ADPRHL1: variants seen among roughly 807,000 people sequenced by gnomAD.
The protein encoded by ADPRHL1 is inactive ADP-ribosyltransferase ARH2.
ADPRHL1 carries 43 observed loss-of-function variants against 44.1 expected under a neutral mutation model. That is an observed-to-expected ratio of 0.98 (90% confidence interval 0.76 to 1.26). ADPRHL1 has a LOEUF of 1.26. ADPRHL1 is among the 50% of genes most tolerant of loss of function. ADPRHL1 has a pLI of 0.00. For synonymous variants in ADPRHL1, 878 were observed against 1,017.4 expected (o/e 0.86, Z 2.61); for missense variants, 2,022 against 2,496.9 (o/e 0.81, Z 4.05).
intron 7 of ADPRHL1, among the ~76,000 whole-genome samples, chr13:113,411,951 G>T (rs1017851840): frequency 1.3e-5 from 2 of 152,150 alleles, no homozygotes; most frequent in Admixed American, 1.3e-4. Context: ...TGCGCCCACC[G>T]CCCACTATTG....
Position 113,400,219 on chromosome 13 carries a change from C to T in ADPRHL1, c.*3159G>A, listed in dbSNP as rs1467984572. The T allele has an allele frequency of 6.8e-6, 1 of 146,978 alleles. No homozygotes were observed. The highest frequency in any genetic ancestry group is 6.8e-5 in the Admixed American group (1 of 14,704). The allele number at this position is 146,978 out of a possible 1,614,324, so 9.1% of individuals were successfully genotyped here. A position where few individuals can be genotyped will look rare whatever the true frequency, so the allele number is the denominator to read the frequency against. ...GGAGTGCAGTGGCGCAATCTCGGCTCACTGCAAGCTCCACCTCCCGGGTTC... is the reference window on the plus strand; with the variant it reads ...GGAGTGCAGTGGCGCAATCTCGGCTTACTGCAAGCTCCACCTCCCGGGTTC... On this transcript the variant is annotated 3_prime_UTR_variant, in exon 8 of 8. Transcript: ENST00000612156.
At chr13:113,423,342 C>T (rs899258796) in intron 6 of ADPRHL1, among the ~76,000 whole-genome samples, 5 of 152,090 alleles carry the variant, frequency 3.3e-5, no homozygotes, top group African/African-American at 1.2e-4. Context: ...CTGTGTGAAG[C>T]GGTGTTTCAG....
At chr13:113,432,801 A>C (rs1380082796) in intron 3 of ADPRHL1, among the ~76,000 whole-genome samples, 1 of 152,208 alleles carries the variant, frequency 6.6e-6, no homozygotes, top group Non-Finnish European at 1.5e-5. Flanking sequence ...ATCTTGAACG[A>C]GGCTAGCGTG....
rs2044191643 is a variant in ADPRHL1 at position 113,453,463 on chromosome 13, A to AC, written c.-27dup. On this transcript the variant is annotated 5_prime_UTR_variant, in exon 1 of 8. Transcript: ENST00000612156. The surrounding 1 kb of genome is among the most constrained non-coding windows in gnomAD (Gnocchi z 5.4). ...CCCAGGAGGCAGCTCCTCTTCCCCA[A>AC]CAGCTGCGGAGCGTCCTGGCCTTTG... 2.5e-6 allele frequency: 4 copies of AC among 1,611,192 alleles called. No individual in the cohort carries two copies. The highest frequency in any genetic ancestry group is 3.4e-6 in the Non-Finnish European group (4 of 1,178,474).
rs1486765507 is a variant in ADPRHL1, at chr13:113,408,182, AC to A, written c.1099del (p.Val367TrpfsTer6). 6 of 1,231,924 alleles carry A rather than the reference AC, an allele frequency of 4.9e-6. No individual in the cohort carries two copies. Among genetic ancestry groups the A allele is most frequent in the Non-Finnish European group, 6.1e-6 (6 of 987,988 alleles). 76.3% of individuals were successfully genotyped at this position (1,231,924 alleles called of 1,614,324 possible). ...SSKTCSDVMS[V>X]DAQTLKKKMG... ...CTTCTTCTTCAGGGTTTGGGCGTCC[AC>A]AGACATGACGTCACTGCAGGTCTTG... On this transcript the variant is annotated frameshift_variant, in exon 8 of 8. Coordinates refer to ENST00000612156, the MANE Select transcript of ADPRHL1 (RefSeq NM_001394807.1). LOFTEE classifies it low-confidence loss of function (END_TRUNC).
rs538853624 is a variant in ADPRHL1 at position 113,404,908 on chromosome 13, C to T, written c.4374G>A (p.Ala1458=). Residue 1458 remains alanine, a synonymous_variant, in exon 8 of 8, where the codon GCG becomes GCA. Coordinates refer to ENST00000612156, the MANE Select transcript of ADPRHL1 (RefSeq NM_001394807.1). Reference sequence around the variant, plus strand: ...TGGCAGCCCTGGTGCCCTCTCCCCACGCCGTGCTCCGCCCCCGCTCCTCCC... The same window carrying T: ...TGGCAGCCCTGGTGCCCTCTCCCCATGCCGTGCTCCGCCCCCGCTCCTCCC... The part of the protein sequence containing the change: ...GPWEERGRST[A]WGEGTRAARN... 1.0e-4 allele frequency: 127 copies of T among 1,243,852 alleles called. No homozygotes were observed. The highest frequency in any genetic ancestry group is 1.1e-4 in the Non-Finnish European group (112 of 996,004). 77.1% of individuals were successfully genotyped at this position (1,243,852 alleles called of 1,614,324 possible).
Position 113,441,279 on chromosome 13 carries a change from ATTATC to A in ADPRHL1, c.379+3141_379+3145del, listed in dbSNP as rs1198859490. 1.3e-5 allele frequency among the ~76,000 whole-genome samples: 2 copies of A among 152,012 alleles called. No individual in the cohort carries two copies. Among genetic ancestry groups the A allele is most frequent in the African/African-American group, 4.8e-5 (2 of 41,382 alleles). ...ACCATTCGCATTTGGCGTCATTATTATTATCTTGTTTGTTTTCTACCTGTACTGTC... is the reference window on the plus strand; with the variant it reads ...ACCATTCGCATTTGGCGTCATTATTATTGTTTGTTTTCTACCTGTACTGTC... On this transcript the variant is annotated intron_variant, in intron 2 of 7. Coordinates refer to ENST00000612156, the MANE Select transcript of ADPRHL1 (RefSeq NM_001394807.1). This position sits in a 1 kb window ranked among gnomAD's most constrained non-coding sequence, Gnocchi z 6.0.
chr13:113,420,307 A>G (rs2043908849), intron 7 of ADPRHL1, among the ~76,000 whole-genome samples: 1 of 151,996 alleles, frequency 6.6e-6, no homozygotes, highest in Non-Finnish European at 1.5e-5. Context: ...TGTGTGTTTT[A>G]ATCTATAATC....
At chr13:113,425,201 A>T in intron 4 of ADPRHL1, 22 bp from the exon 5 acceptor site, 1 of 1,357,300 alleles carries the variant, frequency 7.4e-7, no homozygotes. Context: ...GAACAAGGGG[A>T]GCTGAACACA....
Position 113,404,882 on chromosome 13 carries a change from C to G in ADPRHL1, c.4400G>C (p.Arg1467Thr), listed in dbSNP as rs571338182. ...CTCCCCTGGAGGCACAGCTGGGTTC[C>G]TGGCAGCCCTGGTGCCCTCTCCCCA... is the stretch of plus-strand genomic sequence containing the variant. The part of the protein sequence containing the change: ...TAWGEGTRAA[R>T]NPAVPPGEPE... Residue 1467 changes from arginine (R) to threonine (T), a missense_variant, in exon 8 of 8, where the codon AGG becomes ACG. Transcript: ENST00000612156. 1 of 1,247,068 alleles carries G rather than the reference C, an allele frequency of 8.0e-7. No homozygotes were observed. Among genetic ancestry groups the G allele is most frequent in the Admixed American group, 4.2e-5 (1 of 23,950 alleles). The allele number at this position is 1,247,068 out of a possible 1,614,324, so 77.3% of individuals were successfully genotyped here. A position where few individuals can be genotyped will look rare whatever the true frequency, so the allele number is the denominator to read the frequency against.
intron 2 of ADPRHL1, among the ~76,000 whole-genome samples, chr13:113,439,730 G>T (rs552067401): frequency 2.0e-5 from 3 of 152,308 alleles, no homozygotes; most frequent in Admixed American, 2.0e-4. Context: ...TTACAGGTGT[G>T]AGCCACCATG....
rs113580697 is a variant in ADPRHL1 at position 113,425,329 on chromosome 13, G to A, written c.647-150C>T. On this transcript the variant is annotated intron_variant, in intron 4 of 7. Transcript: ENST00000612156. ...CCAGCTGCAGGCATGTGGAGAAGCC[G>A]AGCACCTGTCCTGGAGTAAACAACT... 326 of 739,114 alleles carry A rather than the reference G, an allele frequency of 4.4e-4. 1 individual carries two copies. The African/African-American group carries it at 5.3e-3, about 12-fold the overall frequency. The allele number at this position is 739,114 out of a possible 1,614,324, so 45.8% of individuals were successfully genotyped here.
intron 7 of ADPRHL1, among the ~76,000 whole-genome samples, chr13:113,413,492 C>T (rs190872627): frequency 9.2e-5 from 14 of 152,350 alleles, no homozygotes; most frequent in East Asian, 5.8e-4. Context: ...CCAGGACTTT[C>T]GGCGACTCCC....
rs2043782000 is a variant in ADPRHL1 at position 113,403,792 on chromosome 13, A to T, written c.5490T>A (p.Asp1830Glu). The T allele has an allele frequency of 5.7e-6, 7 of 1,233,638 alleles. No homozygotes were observed. Among genetic ancestry groups the T allele is most frequent in the Non-Finnish European group, 7.1e-6 (7 of 989,574 alleles). 76.4% of individuals were successfully genotyped at this position (1,233,638 alleles called of 1,614,324 possible). ...TGGACCCCCCACTCCTGCCAGCAGC[A>T]TCCACTCCCTCAGCTATGCCACTAA... ...QPISGIAEGV[D>E]AAGRSGGSRS... The change falls in exon 8 of 8, where the codon GAT becomes GAA. Residue 1830 changes from aspartate (D) to glutamate (E), a missense_variant. Around this residue, in one of 8 missense-constraint regions of ADPRHL1, gnomAD observed 205 missense variants for 250.1 expected, o/e 0.82. Transcript: ENST00000612156.
chr13:113,449,858 C>T lies in ADPRHL1; in HGVS notation c.214+3366G>A, dbSNP rs187139797. Among the ~76,000 whole-genome samples the T allele has an allele frequency of 2.8e-3, 421 of 152,320 alleles. 3 individuals carry two copies. The highest frequency in any genetic ancestry group is 3.0e-3 in the Non-Finnish European group (204 of 68,016). On this transcript the variant is annotated intron_variant, in intron 1 of 7. Coordinates refer to ENST00000612156, the MANE Select transcript of ADPRHL1 (RefSeq NM_001394807.1). ...GTGATCTCAGCAGTCAGGGAGGATGCTTACGAGCACAGGGGCCAGATTCTC... is the reference window on the plus strand; with the variant it reads ...GTGATCTCAGCAGTCAGGGAGGATGTTTACGAGCACAGGGGCCAGATTCTC...
In ADPRHL1 at chr13:113,403,704, C is replaced by G; in HGVS notation, c.5578G>C (p.Gly1860Arg). ...GGSGLGEPSA[G>R]YPPPGSRPLR... ...GGGCGGCTTCCTGGGGGTGGGTACC[C>G]GGCGCTGGGCTCCCCCAGGCCACTG... The change falls in exon 8 of 8, where the codon GGG (glycine) becomes CGG (arginine). Residue 1860 changes from glycine to arginine, a missense_variant. By Grantham distance (125) the Gly-to-Arg change is moderately radical. Around this residue, in one of 8 missense-constraint regions of ADPRHL1, gnomAD observed 205 missense variants for 250.1 expected, o/e 0.82. Coordinates refer to ENST00000612156, the MANE Select transcript of ADPRHL1 (RefSeq NM_001394807.1). The G allele has an allele frequency of 1.6e-6, 2 of 1,231,974 alleles. No individual in the cohort carries two copies. The highest frequency in any genetic ancestry group is 2.0e-6 in the Non-Finnish European group (2 of 988,198). The allele number at this position is 1,231,974 out of a possible 1,614,324, so 76.3% of individuals were successfully genotyped here.
At chr13:113,445,973 T>TGTAGGGACCATG (rs2044133811) in intron 1 of ADPRHL1, among the ~76,000 whole-genome samples, 48 of 93,384 alleles carry the variant, frequency 5.1e-4, no homozygotes, top group African/African-American at 1.8e-3. Context: ...CTGGAGAGAG[T>TGTAGGGACCATG]GCACAGGATC....
intron 1 of ADPRHL1, among the ~76,000 whole-genome samples, chr13:113,451,185 T>C (rs887044454): frequency 6.6e-6 from 1 of 152,228 alleles, no homozygotes; most frequent in Non-Finnish European, 1.5e-5. Flanking sequence ...GCCTGGTTTT[T>C]CCTAGGCTAT....
At chr13:113,451,216 C>T (rs987490365) in intron 1 of ADPRHL1, among the ~76,000 whole-genome samples, 85 of 152,292 alleles carry the variant, frequency 5.6e-4, no homozygotes, top group African/African-American at 1.5e-3. Context: ...CGAGGATTAT[C>T]ATAATATTGG....
Sources: allele counts gnomAD v4.1 joint callset (sites outside exome capture counted in the v4.1 genomes callset), GRCh38; gene constraint gnomAD v4.1.1; regional missense constraint gnomAD v4.1.1; non-coding constraint Gnocchi (gnomAD v3.1); transcripts MANE v1.5; gene names NCBI Gene and HGNC (gene_info 2026-07-23, HGNC 2026-07-21).